GNAL: variants seen among roughly 807,000 people sequenced by gnomAD.
GNAL encodes the protein guanine nucleotide-binding protein G(olf) subunit alpha.
GNAL carries 18 observed loss-of-function variants against 55.1 expected under a neutral mutation model. That is an observed-to-expected ratio of 0.33 (90% CI 0.23 to 0.48). The LOEUF is 0.48. GNAL is among the 20% of genes least tolerant of loss of function. The probability of loss-of-function intolerance (pLI) is 0.99; values close to 1 mark genes in which losing one functional copy is unlikely to be tolerated. For synonymous variants in GNAL, 253 were observed against 237.0 expected, an observed-to-expected ratio of 1.07 and a Z score of -0.62; for missense variants, 412 against 614.1, an observed-to-expected ratio of 0.67 and a Z score of 3.48.
intron 4 of GNAL, among the ~76,000 whole-genome samples, chr18:11,768,172 T>G (rs2033471172): frequency 6.6e-6 from 1 of 152,254 alleles, no homozygotes; most frequent in African/African-American, 2.4e-5. Context: ...CATATAGTTA[T>G]GCTCAGTAAA....
chr18:11,839,887 A>G (rs79677211), intron 5 of GNAL, among the ~76,000 whole-genome samples: 1 of 152,354 alleles, frequency 6.6e-6, no homozygotes, highest in East Asian at 1.9e-4. Context: ...AAGGAATGTA[A>G]TGAAAGCTTT....
intron 1 of GNAL, chr18:11,745,494 C>G (rs1042681551): frequency 1.3e-5 from 2 of 152,304 alleles, no homozygotes; most frequent in Non-Finnish European, 2.9e-5. Flanking sequence ...TTCAAATGCA[C>G]TAAGACTTCT....
intron 11 of GNAL, 133 bp from the exon 12 acceptor site, chr18:11,880,856 C>A: frequency 1.1e-6 from 1 of 871,150 alleles, no homozygotes; most frequent in East Asian, 2.6e-5. Flanking sequence ...CCATTCCTGC[C>A]TCTAAGTGCT....
At chr18:11,739,182 T>G (rs2143471360) in intron 1 of GNAL, among the ~76,000 whole-genome samples, 1 of 152,286 alleles carries the variant, frequency 6.6e-6, no homozygotes, top group East Asian at 1.9e-4. Flanking sequence ...AACTTTTCAT[T>G]TGGAAACAAT....
chr18:11,696,275 G>A (rs1237631250), intron 1 of GNAL, among the ~76,000 whole-genome samples: 1 of 152,038 alleles, frequency 6.6e-6, no homozygotes, highest in Non-Finnish European at 1.5e-5. Flanking sequence ...GGCCGAGGCG[G>A]GTGGATCATG....
intron 4 of GNAL, among the ~76,000 whole-genome samples, chr18:11,816,019 C>A (rs1467906260): frequency 6.6e-6 from 1 of 152,116 alleles, no homozygotes; most frequent in African/African-American, 2.4e-5. Context: ...CTAAACATTG[C>A]CCTTGACAAT....
chr18:11,854,273 T>C (rs1056086170), intron 5 of GNAL: 6 of 167,162 alleles, frequency 3.6e-5, no homozygotes, highest in Non-Finnish European at 8.8e-5. Context: ...TTGTATATGC[T>C]TGAACTTTCT....
intron 11 of GNAL, among the ~76,000 whole-genome samples, chr18:11,880,433 G>A (rs963329379): frequency 1.3e-5 from 2 of 151,770 alleles, no homozygotes; most frequent in African/African-American, 4.8e-5. Flanking sequence ...GCCAGGCGTG[G>A]GCACGGTGAT....
intron 4 of GNAL, among the ~76,000 whole-genome samples, chr18:11,759,540 G>A (rs530554888): frequency 6.4e-4 from 98 of 152,348 alleles, no homozygotes; most frequent in African/African-American, 2.3e-3. Context: ...GCAGCCCCAA[G>A]TCAGGAGGCA....
chr18:11,769,130 T>C (rs2033547524), intron 4 of GNAL, among the ~76,000 whole-genome samples: 1 of 98,470 alleles, frequency 1.0e-5, no homozygotes. Context: ...TTATATGTAA[T>C]ATATATTATA....
intron 5 of GNAL, among the ~76,000 whole-genome samples, chr18:11,859,999 C>T (rs2036095364): frequency 6.6e-6 from 1 of 152,182 alleles, no homozygotes. Flanking sequence ...CCACCCACCT[C>T]CACCTCCCAA....
Position 11,881,854 on chromosome 18 carries a change from C to G in GNAL, c.*719C>G, listed in dbSNP as rs1460451282. 6.6e-6 allele frequency: 1 copy of G among 152,556 alleles called. No individual in the cohort carries two copies. Among genetic ancestry groups the G allele is most frequent in the Non-Finnish European group, 1.5e-5 (1 of 68,054 alleles). The allele number at this position is 152,556 out of a possible 1,614,324, so 9.5% of individuals were successfully genotyped here. On this transcript the variant is annotated 3_prime_UTR_variant, in exon 12 of 12. Transcript: ENST00000334049. This position sits in a 1 kb window ranked among gnomAD's most constrained non-coding sequence, Gnocchi z 4.8. ...CCTATTGCTGGTTTATTACACTGTA[C>G]AGACCACAAAATGTAATATTCTTTT...
Position 11,884,907 on chromosome 18 carries a change from GTTCCCATCAAATATA to G in GNAL, c.*3773_*3787del. The G allele has an allele frequency of 7.7e-7, 1 of 1,298,238 alleles. No homozygotes were observed. Among genetic ancestry groups the G allele is most frequent in the Non-Finnish European group, 9.9e-7 (1 of 1,010,182 alleles). The allele number at this position is 1,298,238 out of a possible 1,614,324, so 80.4% of individuals were successfully genotyped here. ...TCAAAACTGGCCCCTGGCTCACTGG[GTTCCCATCAAATATA>G]GTGGGGGATCCATAACAGAGATTCA... On this transcript the variant is annotated 3_prime_UTR_variant, in exon 12 of 12. Transcript: ENST00000334049.
intron 5 of GNAL, chr18:11,851,385 C>CA: frequency 8.1e-7 from 1 of 1,237,002 alleles, no homozygotes. Flanking sequence ...CCACCTGCGC[C>CA]GCTCACAGTA....
rs72870404 is a variant in GNAL, at chr18:11,868,916, G to A, written c.1031+253G>A. On this transcript the variant is annotated intron_variant, in intron 9 of 11. Coordinates refer to ENST00000334049, the MANE Select transcript of GNAL (RefSeq NM_182978.4). This position sits in a 1 kb window ranked among gnomAD's most constrained non-coding sequence, Gnocchi z 4.0. ...CAGTGACTCAGGAGCTTGAGGTAGGGGGATCACTTGAGCCCAGGAGGTAAG... is the reference window on the plus strand; with the variant it reads ...CAGTGACTCAGGAGCTTGAGGTAGGAGGATCACTTGAGCCCAGGAGGTAAG... 0.27 allele frequency among the ~76,000 whole-genome samples: 40,938 copies of A among 151,552 alleles called. 6,426 individuals carry two copies. The highest frequency in any genetic ancestry group is 0.44 in the African/African-American group (17,993 of 41,220).
At chr18:11,723,582 A>G (rs1183093237) in intron 1 of GNAL, among the ~76,000 whole-genome samples, 1 of 152,248 alleles carries the variant, frequency 6.6e-6, no homozygotes, top group East Asian at 1.9e-4. Flanking sequence ...TATCAAATAC[A>G]TACAGGAACC....
At chr18:11,822,760 G>A (rs925985160) in intron 4 of GNAL, among the ~76,000 whole-genome samples, 6 of 151,994 alleles carry the variant, frequency 3.9e-5, no homozygotes, top group Non-Finnish European at 7.4e-5. Flanking sequence ...TACCCCACAC[G>A]GTTTGGAGCC....
chr18:11,718,531 T>C (rs2032025443), intron 1 of GNAL, among the ~76,000 whole-genome samples: 1 of 152,156 alleles, frequency 6.6e-6, no homozygotes, highest in Non-Finnish European at 1.5e-5. Flanking sequence ...GAAAGACCTC[T>C]CAACATCCTT....
chr18:11,877,873 C>T (rs1240381148), intron 11 of GNAL, among the ~76,000 whole-genome samples: 1 of 152,050 alleles, frequency 6.6e-6, no homozygotes, highest in Non-Finnish European at 1.5e-5. Flanking sequence ...AGAGTTCCCC[C>T]AGAAGTGCAT....
Sources: gnomAD v4.1 joint callset for allele counts (sites outside exome capture counted in the v4.1 genomes callset) on GRCh38, gnomAD v4.1.1 for gene constraint, Gnocchi (gnomAD v3.1) non-coding constraint, MANE v1.5 for transcripts, NCBI Gene and HGNC (gene_info 2026-07-23, HGNC 2026-07-21) for gene names.